CDH12: variants seen among roughly 807,000 people sequenced by gnomAD.
The protein encoded by CDH12 is cadherin 12.
In CDH12, 41 loss-of-function variants were observed where a neutral mutation model predicts 74.1. The observed-to-expected ratio is 0.55, with a 90% CI of 0.43 to 0.72. CDH12 has a LOEUF of 0.72. CDH12 is among the 30% of genes least tolerant of loss of function. The pLI is 0.00. For missense variants in CDH12, 945 were observed against 977.2 expected, an observed-to-expected ratio of 0.97 and a Z score of 0.44; for synonymous variants, 399 against 355.0, an observed-to-expected ratio of 1.12 and a Z score of -1.39.
chr5:22,364,315 C>A (rs1229671479), intron 3 of CDH12, among the ~76,000 whole-genome samples: 4 of 152,072 alleles, frequency 2.6e-5, no homozygotes, highest in Non-Finnish European at 5.9e-5. Context: ...ACAATGCTTT[C>A]ATGAACGATG....
At chr5:21,942,087 T>C (rs1017574152) in intron 6 of CDH12, among the ~76,000 whole-genome samples, 1 of 152,060 alleles carries the variant, frequency 6.6e-6, no homozygotes, top group African/African-American at 2.4e-5. Flanking sequence ...ACTGAGAAGA[T>C]GCCTTCGAGT....
intron 4 of CDH12, among the ~76,000 whole-genome samples, chr5:22,196,614 C>T (rs1291946599): frequency 1.3e-5 from 2 of 152,118 alleles, no homozygotes; most frequent in Non-Finnish European, 2.9e-5. Flanking sequence ...TCAAAAGTCC[C>T]TCATTTGCTC....
chr5:22,617,924 A>G (rs1025931839), intron 1 of CDH12, among the ~76,000 whole-genome samples: 2 of 152,152 alleles, frequency 1.3e-5, no homozygotes, highest in African/African-American at 4.8e-5. Flanking sequence ...AGAGGTAATA[A>G]CAATAACTAA....
In CDH12 at chr5:22,418,231, G is replaced by T. The variant is rs1198826442; in HGVS notation, c.-427-12880C>A. ...CAATTGTGAATGGGAGTTCACTCAC[G>T]ATTTGGCTCTTTGTTTGTCTATTAT... On this transcript the variant is annotated intron_variant, in intron 2 of 14. Coordinates refer to ENST00000382254, the MANE Select transcript of CDH12 (RefSeq NM_004061.5). 4.0e-5 allele frequency among the ~76,000 whole-genome samples: 6 copies of T among 151,050 alleles called. No individual in the cohort carries two copies. The East Asian group carries it at 9.9e-4, about 25-fold the overall frequency.
intron 5 of CDH12, among the ~76,000 whole-genome samples, chr5:22,005,778 T>C (rs1029468473): frequency 6.6e-6 from 1 of 152,206 alleles, no homozygotes; most frequent in African/African-American, 2.4e-5. Context: ...TTTGAATTAA[T>C]GAATTTATAA....
At chr5:22,492,314 T>C (rs1041059073) in intron 2 of CDH12, among the ~76,000 whole-genome samples, 3 of 150,998 alleles carry the variant, frequency 2.0e-5, no homozygotes, top group African/African-American at 4.9e-5. Flanking sequence ...TCTAGACAAA[T>C]ACCACACTCC....
At chr5:22,671,007 A>C (rs1740871927) in intron 1 of CDH12, among the ~76,000 whole-genome samples, 1 of 151,596 alleles carries the variant, frequency 6.6e-6, no homozygotes, top group Non-Finnish European at 1.5e-5. Context: ...TTACTACTAT[A>C]ATATGAAATA....
Position 22,489,056 on chromosome 5 carries a change from C to CTTTTTTTTTTTTTTTTT in CDH12, c.-428+16197_-428+16213dup, listed in dbSNP as rs10685463. ...AGTAATTGCAGTTTTTTGGTACCAC[C>CTTTTTTTTTTTTTTTTT]TTTTTTTTTTTTTTTTTTTGAGACA... On this transcript the variant is annotated intron_variant, in intron 2 of 14. Transcript: ENST00000382254. Among the ~76,000 whole-genome samples, 110 of 37,322 alleles carry CTTTTTTTTTTTTTTTTT rather than the reference C, an allele frequency of 2.9e-3. 37 individuals carry two copies. Among genetic ancestry groups the CTTTTTTTTTTTTTTTTT allele is most frequent in the South Asian group, 5.5e-3 (6 of 1,094 alleles). 24.5% of individuals were successfully genotyped at this position (37,322 alleles called of 152,430 possible). A position where few individuals can be genotyped will look rare whatever the true frequency, so the allele number is the denominator to read the frequency against.
At chr5:22,435,838 C>A (rs575978105) in intron 2 of CDH12, among the ~76,000 whole-genome samples, 5 of 151,964 alleles carry the variant, frequency 3.3e-5, no homozygotes, top group African/African-American at 1.2e-4. Flanking sequence ...ATCTTGTGGC[C>A]CCTACCCAGG....
At chr5:21,870,535 A>G (rs1319457201) in intron 6 of CDH12, among the ~76,000 whole-genome samples, 3 of 152,176 alleles carry the variant, frequency 2.0e-5, no homozygotes, top group Non-Finnish European at 4.4e-5. Context: ...CAGCCTCCAG[A>G]ACTGTCAGCC....
rs556278649 is a variant in CDH12, at chr5:21,974,678, C to T, written c.526+413G>A. On this transcript the variant is annotated intron_variant, in intron 6 of 14. Coordinates refer to ENST00000382254, the MANE Select transcript of CDH12 (RefSeq NM_004061.5). Reference sequence around the variant, plus strand: ...CATCACACCTGTTTCCGGACCACTTCCAGATCAGATGTGACACATGCTTTA... The same window carrying T: ...CATCACACCTGTTTCCGGACCACTTTCAGATCAGATGTGACACATGCTTTA... Among the ~76,000 whole-genome samples the T allele has an allele frequency of 1.8e-3, 270 of 152,252 alleles. 3 individuals are homozygous for T. Among genetic ancestry groups the T allele is most frequent in the African/African-American group, 5.9e-3 (247 of 41,538 alleles).
intron 2 of CDH12, among the ~76,000 whole-genome samples, chr5:22,466,914 G>A (rs1246438967): frequency 6.9e-6 from 1 of 145,806 alleles, no homozygotes; most frequent in Non-Finnish European, 1.5e-5. Flanking sequence ...TCAGTCTCCC[G>A]AGTAGCTGGG....
At chr5:22,368,264 T>G (rs2126331387) in intron 3 of CDH12, among the ~76,000 whole-genome samples, 1 of 152,148 alleles carries the variant, frequency 6.6e-6, no homozygotes, top group African/African-American at 2.4e-5. Context: ...ATATTTTTAT[T>G]AATTTGTATT....
intron 11 of CDH12, among the ~76,000 whole-genome samples, chr5:21,774,127 A>G (rs1745466787): frequency 1.3e-5 from 2 of 152,040 alleles, no homozygotes. Flanking sequence ...GGTGTTGCCA[A>G]AGCAGATTAA....
intron 8 of CDH12, among the ~76,000 whole-genome samples, chr5:21,829,095 G>A (rs927402227): frequency 1.3e-5 from 2 of 152,038 alleles, no homozygotes; most frequent in African/African-American, 4.8e-5. Flanking sequence ...AGGAGTCTGA[G>A]GCCAGCCTGG....
chr5:22,812,589 G>A (rs1254750055), intron 1 of CDH12, among the ~76,000 whole-genome samples: 2 of 152,102 alleles, frequency 1.3e-5, no homozygotes, highest in Non-Finnish European at 2.9e-5. Context: ...AAGGAAAAAA[G>A]TAGGTCTTAG....
chr5:21,770,668 T>C (rs1745275000), intron 11 of CDH12, among the ~76,000 whole-genome samples: 1 of 151,636 alleles, frequency 6.6e-6, no homozygotes, highest in Non-Finnish European at 1.5e-5. Context: ...CTCAAAGAAC[T>C]TACAACAGAA....
chr5:22,467,534 G>T (rs964587394), intron 2 of CDH12, among the ~76,000 whole-genome samples: 2 of 152,132 alleles, frequency 1.3e-5, no homozygotes, highest in Non-Finnish European at 2.9e-5. Flanking sequence ...TTGTTAAAGA[G>T]TTCATTTTCC....
rs568993155 is a variant in CDH12, at chr5:21,950,547, A to T, written c.526+24544T>A. Among the ~76,000 whole-genome samples, 46 of 151,918 alleles carry T rather than the reference A, an allele frequency of 3.0e-4. 1 individual carries two copies. The highest frequency in any genetic ancestry group is 2.6e-3 in the Admixed American group (39 of 15,274). The stretch of plus-strand genomic sequence containing the variant: ...AAACATAGATTGGCAGAGTAGTTAA[A>T]AAAACAAAAATCAAAAACGAAAAAA... On this transcript the variant is annotated intron_variant, in intron 6 of 14. Coordinates refer to ENST00000382254, the MANE Select transcript of CDH12 (RefSeq NM_004061.5).
Sources: allele counts gnomAD v4.1 joint callset (sites outside exome capture counted in the v4.1 genomes callset), GRCh38; gene constraint gnomAD v4.1.1; transcripts MANE v1.5; gene names NCBI Gene and HGNC (gene_info 2026-07-23, HGNC 2026-07-21).